CSMD3: variants seen among roughly 807,000 people sequenced by gnomAD.
CSMD3 encodes CUB and Sushi multiple domains 3.
Under a neutral mutation model 435.2 loss-of-function variants are expected in CSMD3, and 177 were observed. That is an observed-to-expected ratio of 0.41 (90% confidence interval 0.36 to 0.46). The LOEUF is 0.46. CSMD3 is among the 20% of genes least tolerant of loss of function. CSMD3 has a pLI of 0.34. For missense variants in CSMD3, 4,265 were observed against 4,504.6 expected, an observed-to-expected ratio of 0.95 and a Z score of 1.52; for synonymous variants, 1,656 against 1,520.5, an observed-to-expected ratio of 1.09 and a Z score of -2.07.
At chr8:112,472,531 G>A (rs1359235412) in intron 32 of CSMD3, 60 bp downstream of exon 32, 1 of 888,156 alleles carries the variant, frequency 1.1e-6, no homozygotes, top group African/African-American at 1.6e-5. Context: ...TGAATAGCAT[G>A]TAGTGAAAAA....
chr8:113,128,167 GC>G (rs2091188391), intron 4 of CSMD3, among the ~76,000 whole-genome samples: 1 of 151,912 alleles, frequency 6.6e-6, no homozygotes, highest in Non-Finnish European at 1.5e-5. Flanking sequence ...TTTCTGTTCT[GC>G]CCCATGAAGG....
chr8:113,035,997 T>A (rs958357797), intron 5 of CSMD3, among the ~76,000 whole-genome samples: 23 of 151,950 alleles, frequency 1.5e-4, no homozygotes, highest in African/African-American at 5.6e-4. Context: ...CAAATTTTCT[T>A]TAGGCCTCTT....
intron 6 of CSMD3, among the ~76,000 whole-genome samples, chr8:113,010,239 T>C (rs1322911750): frequency 6.6e-6 from 1 of 151,652 alleles, no homozygotes. Context: ...TATTCACTAG[T>C]TGGGTGCATC....
At chr8:112,424,784 C>T (rs748080479) in intron 32 of CSMD3, among the ~76,000 whole-genome samples, 4 of 152,086 alleles carry the variant, frequency 2.6e-5, no homozygotes, top group Non-Finnish European at 5.9e-5. Context: ...CTCCACCTAC[C>T]AGGTTCAAGC....
chr8:113,384,480 C>G (rs896488941), intron 1 of CSMD3, among the ~76,000 whole-genome samples: 1 of 152,120 alleles, frequency 6.6e-6, no homozygotes, highest in South Asian at 2.1e-4. Flanking sequence ...TAAAGTGAAA[C>G]ACTGAGGTGT....
At chr8:113,254,130 C>T (rs1349304542) in intron 3 of CSMD3, among the ~76,000 whole-genome samples, 1 of 152,070 alleles carries the variant, frequency 6.6e-6, no homozygotes, top group Non-Finnish European at 1.5e-5. Context: ...CTATAATTTT[C>T]TCAATGTCAT....
At chr8:112,748,894 T>C (rs1054103322) in intron 13 of CSMD3, among the ~76,000 whole-genome samples, 1 of 152,206 alleles carries the variant, frequency 6.6e-6, no homozygotes, top group Non-Finnish European at 1.5e-5. Context: ...GTTCTGCTTT[T>C]AGCTCTTTAA....
chr8:112,587,063 T>C lies in CSMD3; in HGVS notation c.3885+3A>G, dbSNP rs558187042. 1 of 1,607,556 alleles carries C rather than the reference T, an allele frequency of 6.2e-7. No homozygotes were observed. Among genetic ancestry groups the C allele is most frequent in the East Asian group, 2.2e-5 (1 of 44,668 alleles). ...ATATACAAGTATGTCTGAGTTCACC[T>C]ACCTTAAGAACATCTCCTTGTGCTA... On this transcript the variant is annotated splice_donor_region_variant and intron_variant, in intron 23 of 70. Coordinates refer to ENST00000297405, the MANE Select transcript of CSMD3 (RefSeq NM_198123.2).
intron 5 of CSMD3, among the ~76,000 whole-genome samples, chr8:113,052,307 A>T (rs1043839961): frequency 5.9e-5 from 9 of 152,198 alleles, no homozygotes; most frequent in African/African-American, 1.9e-4. Context: ...GAGTATGTAA[A>T]TGAGATTTTC....
chr8:113,124,492 GA>G (rs143858572), intron 4 of CSMD3, among the ~76,000 whole-genome samples: 2 of 150,982 alleles, frequency 1.3e-5, no homozygotes, highest in Non-Finnish European at 3.0e-5. Context: ...TGGGAAAAAA[GA>G]AAAAAAACCC....
intron 4 of CSMD3, among the ~76,000 whole-genome samples, chr8:113,134,002 T>C (rs2091352389): frequency 6.6e-6 from 1 of 152,068 alleles, no homozygotes; most frequent in Admixed American, 6.6e-5. Flanking sequence ...TTAAGAGTGC[T>C]GAAATGTATA....
intron 35 of CSMD3, among the ~76,000 whole-genome samples, chr8:112,396,105 G>C (rs1830837567): frequency 6.6e-6 from 1 of 151,990 alleles, no homozygotes; most frequent in African/African-American, 2.4e-5. Context: ...GTATGTCAGT[G>C]TGTGCAAAAT....
chr8:113,075,186 G>A (rs2089286637), intron 5 of CSMD3, among the ~76,000 whole-genome samples: 1 of 151,602 alleles, frequency 6.6e-6, no homozygotes, highest in African/African-American at 2.4e-5. Context: ...AATAAAAATA[G>A]AAATCTCGTA....
At chr8:112,353,150 G>C (rs900262456) in intron 38 of CSMD3, among the ~76,000 whole-genome samples, 9 of 152,162 alleles carry the variant, frequency 5.9e-5, no homozygotes, top group South Asian at 2.1e-4. Context: ...CAGCACTTTG[G>C]GGGGCTGAGG....
chr8:112,365,194 A>AT (rs1827647133), intron 38 of CSMD3, among the ~76,000 whole-genome samples: 1 of 152,188 alleles, frequency 6.6e-6, no homozygotes, highest in Admixed American at 6.5e-5. Context: ...AAGCAAATAG[A>AT]TTTTCTTGAA....
intron 1 of CSMD3, among the ~76,000 whole-genome samples, chr8:113,368,789 T>C (rs911613302): frequency 6.6e-6 from 1 of 152,118 alleles, no homozygotes; most frequent in African/African-American, 2.4e-5. Flanking sequence ...TTTCTGTCAA[T>C]GCACACCATA....
At chr8:112,684,946 C>T (rs150737692) in intron 15 of CSMD3, among the ~76,000 whole-genome samples, 1 of 152,224 alleles carries the variant, frequency 6.6e-6, no homozygotes, top group African/African-American at 2.4e-5. Context: ...TATGATGCTA[C>T]TGTAGCCATG....
chr8:113,060,602 A>C (rs1052623646), intron 5 of CSMD3, among the ~76,000 whole-genome samples: 1 of 152,132 alleles, frequency 6.6e-6, no homozygotes, highest in Non-Finnish European at 1.5e-5. Flanking sequence ...TGCTTATTTA[A>C]AATTTTTGCT....
rs535825646 is a variant in CSMD3 at position 112,529,870 on chromosome 8, TGACA to T, written c.4565-12649_4565-12646del. On this transcript the variant is annotated intron_variant, in intron 27 of 70. Coordinates refer to ENST00000297405, the MANE Select transcript of CSMD3 (RefSeq NM_198123.2). ...ATAAAATGAAGCTATATAATTTATC[TGACA>T]GACAAATAAAAATAACTATCATAAA... is the stretch of plus-strand genomic sequence containing the variant. Among the ~76,000 whole-genome samples, 26 of 152,260 alleles carry T rather than the reference TGACA, an allele frequency of 1.7e-4. No homozygotes were observed. In the South Asian group the frequency reaches 4.8e-3, roughly 28 times the overall value.
Sources: gnomAD v4.1 joint callset for allele counts (sites outside exome capture counted in the v4.1 genomes callset) on GRCh38, gnomAD v4.1.1 for gene constraint, MANE v1.5 for transcripts, NCBI Gene and HGNC (gene_info 2026-07-23, HGNC 2026-07-21) for gene names.